PDE4D: variants seen among roughly 807,000 people sequenced by gnomAD.
PDE4D encodes the protein 3',5'-cyclic-AMP phosphodiesterase 4D.
A neutral mutation model predicts 87.4 loss-of-function variants in PDE4D; 24 were observed. The observed-to-expected ratio is 0.27, with a 90% CI of 0.20 to 0.39. The LOEUF (loss-of-function observed/expected upper bound fraction) is 0.39. Among genes scored for constraint, PDE4D ranks in the 10% least tolerant of loss-of-function variants. PDE4D has a pLI of 1.00. For synonymous variants in PDE4D, 384 were observed against 383.2 expected (o/e 1.00, Z -0.02); for missense variants, 714 against 1,041.0 (o/e 0.69, Z 4.32).
chr5:60,503,581 T>C (rs1750193769), intron 1 of PDE4D, among the ~76,000 whole-genome samples: 1 of 152,178 alleles, frequency 6.6e-6, no homozygotes, highest in Non-Finnish European at 1.5e-5. Context: ...CAAGAATCTA[T>C]GGAAACGTAA....
At chr5:59,421,452 T>C (rs1794469846) in intron 1 of PDE4D, among the ~76,000 whole-genome samples, 1 of 152,082 alleles carries the variant, frequency 6.6e-6, no homozygotes, top group Non-Finnish European at 1.5e-5. Flanking sequence ...TTGGCAATAT[T>C]AATAAAGACA....
chr5:60,167,680 T>C (rs1290441859), intron 2 of PDE4D, among the ~76,000 whole-genome samples: 1 of 152,216 alleles, frequency 6.6e-6, no homozygotes, highest in Non-Finnish European at 1.5e-5. Flanking sequence ...ATTTCAATTT[T>C]TCTGTTTCTC....
Position 59,291,739 on chromosome 5 carries a change from T to TTG in PDE4D, c.456-75772_456-75771insCA, listed in dbSNP as rs1491577073. On this transcript the variant is annotated intron_variant, in intron 1 of 14. Coordinates refer to ENST00000340635, the MANE Select transcript of PDE4D (RefSeq NM_001104631.2). ...AAAAATTAAAAAAAGTAAAAAGAAG[T>TTG]TTTTTTTTTTTTTTTTTGAATGGAT... Among the ~76,000 whole-genome samples, 166 of 42,194 alleles carry TTG rather than the reference T, an allele frequency of 3.9e-3. 4 individuals are homozygous for TTG. Among genetic ancestry groups the TTG allele is most frequent in the East Asian group, 0.013 (6 of 472 alleles). 27.7% of individuals were successfully genotyped at this position (42,194 alleles called of 152,430 possible).
chr5:59,935,664 T>C (rs985147277), intron 3 of PDE4D, among the ~76,000 whole-genome samples: 1 of 152,208 alleles, frequency 6.6e-6, no homozygotes, highest in African/African-American at 2.4e-5. Context: ...TAAGTCACTA[T>C]TGCTAAAACC....
In PDE4D at chr5:59,676,093, GTA is replaced by G. The variant is rs765488186; in HGVS notation, c.455+217073_455+217074del. 8.6e-3 allele frequency among the ~76,000 whole-genome samples: 1,197 copies of G among 138,500 alleles called. 13 individuals are homozygous for G. The highest frequency in any genetic ancestry group is 0.027 in the African/African-American group (983 of 36,440). The allele number at this position is 138,500 out of a possible 152,430, so 90.9% of individuals were successfully genotyped here. On this transcript the variant is annotated intron_variant, in intron 1 of 14. Transcript: ENST00000340635. ...ATTAGGGATCAAGATATATGTATAT[GTA>G]TATACACACACACACACACACACAT...
At chr5:59,671,314 T>C (rs298060) in intron 1 of PDE4D, among the ~76,000 whole-genome samples, 111,937 of 152,040 alleles carry the variant, frequency 0.74, 41,297 homozygotes, top group East Asian at 0.84. Context: ...TGAAAAAAAA[T>C]AGTAACTTCT....
intron 3 of PDE4D, among the ~76,000 whole-genome samples, chr5:59,978,782 C>G (rs538015975): frequency 1.4e-4 from 21 of 152,218 alleles, no homozygotes; most frequent in African/African-American, 4.8e-4. Flanking sequence ...TAGTGTTATT[C>G]TAAGAAATTG....
intron 1 of PDE4D, among the ~76,000 whole-genome samples, chr5:59,771,457 GAAAGAAAGAAAGAAAGAAAGAA>G (rs1477065365): frequency 1.0e-4 from 7 of 68,808 alleles, no homozygotes; most frequent in South Asian, 4.8e-4. Flanking sequence ...AAGAAAGAAA[GAAAGAAAGAAAGAAAGAAAGAA>G]AGAAAGAGAG....
chr5:59,757,506 C>T (rs1022911556), intron 1 of PDE4D, among the ~76,000 whole-genome samples: 1 of 152,084 alleles, frequency 6.6e-6, no homozygotes, highest in African/African-American at 2.4e-5. Flanking sequence ...GGCATGAAGG[C>T]TGGCAAAGTG....
At chr5:59,310,235 T>G (rs1772306832) in intron 1 of PDE4D, among the ~76,000 whole-genome samples, 1 of 152,166 alleles carries the variant, frequency 6.6e-6, no homozygotes, top group Admixed American at 6.5e-5. Context: ...GTCTACACCC[T>G]ATTATGCTTC....
At chr5:60,504,127 T>C (rs1441321866) in intron 1 of PDE4D, among the ~76,000 whole-genome samples, 1 of 152,216 alleles carries the variant, frequency 6.6e-6, no homozygotes, top group Non-Finnish European at 1.5e-5. Flanking sequence ...CCCATCAATG[T>C]TATTAAATCC....
intron 1 of PDE4D, chr5:60,459,945 T>G: frequency 1.4e-6 from 1 of 734,576 alleles, no homozygotes; most frequent in Admixed American, 2.0e-5. Flanking sequence ...TATCTTTTTA[T>G]CCTTCCTCCT....
chr5:60,263,651 C>T (rs1243910428), intron 1 of PDE4D, among the ~76,000 whole-genome samples: 2 of 152,158 alleles, frequency 1.3e-5, no homozygotes, highest in African/African-American at 4.8e-5. Flanking sequence ...AATGTAAGCT[C>T]AAACAAACTG....
intron 1 of PDE4D, among the ~76,000 whole-genome samples, chr5:59,791,223 A>C (rs1006479853): frequency 6.6e-6 from 1 of 152,238 alleles, no homozygotes; most frequent in African/African-American, 2.4e-5. Flanking sequence ...TTCGTAATGC[A>C]TGTACAGCCT....
At chr5:59,344,553 C>G (rs1189208857) in intron 1 of PDE4D, among the ~76,000 whole-genome samples, 1 of 152,056 alleles carries the variant, frequency 6.6e-6, no homozygotes, top group African/African-American at 2.4e-5. Flanking sequence ...CAGGCACCAT[C>G]ACACCCTACT....
intron 1 of PDE4D, chr5:60,459,834 C>T (rs1327798822): frequency 5.2e-6 from 3 of 572,052 alleles, no homozygotes; most frequent in Non-Finnish European, 9.6e-6. Flanking sequence ...AAAGTTGGAA[C>T]CTATCAGTGT....
chr5:59,205,519 T>C (rs921658581), intron 2 of PDE4D, among the ~76,000 whole-genome samples: 1 of 152,118 alleles, frequency 6.6e-6, no homozygotes, highest in Non-Finnish European at 1.5e-5. Context: ...TAGACTATTC[T>C]GAAGGCACAT....
intron 1 of PDE4D, among the ~76,000 whole-genome samples, chr5:59,589,993 T>C (rs79256444): frequency 0.017 from 2,658 of 152,168 alleles, 83 homozygotes; most frequent in African/African-American, 0.06. Context: ...GCTTGAAAGA[T>C]AGCAAAGAAA....
At chr5:59,562,278 G>A (rs901213568) in intron 1 of PDE4D, among the ~76,000 whole-genome samples, 6 of 151,690 alleles carry the variant, frequency 4.0e-5, no homozygotes, top group Non-Finnish European at 7.4e-5. Context: ...ATCACAAAAG[G>A]GAAATTGCTT....
Sources: allele counts gnomAD v4.1 joint callset (sites outside exome capture counted in the v4.1 genomes callset), GRCh38; gene constraint gnomAD v4.1.1; transcripts MANE v1.5; gene names NCBI Gene and HGNC (gene_info 2026-07-23, HGNC 2026-07-21).